TRAF3IP2: variants seen among roughly 807,000 people sequenced by gnomAD.
TRAF3IP2 encodes the protein TRAF3 interacting protein 2, also known as E3 ubiquitin ligase TRAF3IP2.
Under a neutral mutation model 57.9 loss-of-function variants are expected in TRAF3IP2, and 35 were observed. The observed-to-expected ratio is 0.60, with a 90% CI of 0.46 to 0.80. The LOEUF is 0.80. TRAF3IP2 is among the 30% of genes least tolerant of loss of function. The probability of loss-of-function intolerance (pLI) is 0.00; values close to 1 mark genes in which losing one functional copy is unlikely to be tolerated. For missense variants in TRAF3IP2, 556 were observed against 706.4 expected (o/e 0.79, Z 2.41); for synonymous variants, 251 against 268.9 (o/e 0.93, Z 0.65).
rs112036127 is a variant in TRAF3IP2 at position 111,580,238 on chromosome 6, G to C, written c.981C>G (p.Pro327=). The C allele has an allele frequency of 1.2e-6, 2 of 1,613,822 alleles. No individual in the cohort carries two copies. Among genetic ancestry groups the C allele is most frequent in the South Asian group, 2.2e-5 (2 of 91,076 alleles). Residue 327 remains proline (P), a synonymous_variant, in exon 3 of 9, where the codon CCC becomes CCG. Coordinates refer to ENST00000368761, the MANE Select transcript of TRAF3IP2 (RefSeq NM_147686.4). ...YPSPWDHEER[P]AQRDCSFPGL... ...CCGGAAAGGAGCAGTCTCTCTGTGC[G>C]GGCCTCTCTTCGTGGTCCCAGGGGC...
At position 111,565,596 on chromosome 6, in the gene TRAF3IP2, G is replaced by A. The variant is rs138732912; in HGVS notation, c.1476+848C>T. ...GCCTGAAAGTCACAAGTGTAGCACC[G>A]CCTCCTAGTCAAGCAGAAACTGTCT... On this transcript the variant is annotated intron_variant, in intron 7 of 8. Transcript: ENST00000368761. 2.2e-3 allele frequency among the ~76,000 whole-genome samples: 338 copies of A among 152,128 alleles called. 2 individuals are homozygous for A. The highest frequency in any genetic ancestry group is 7.8e-3 in the African/African-American group (323 of 41,506).
At chr6:111,596,196 A>G (rs1223526858) in intron 1 of TRAF3IP2, among the ~76,000 whole-genome samples, 1 of 152,150 alleles carries the variant, frequency 6.6e-6, no homozygotes, top group Middle Eastern at 3.2e-3. Context: ...TATATTACCC[A>G]AATGTATATG....
chr6:111,582,560 C>T (rs1044767577), intron 2 of TRAF3IP2, among the ~76,000 whole-genome samples: 3 of 152,086 alleles, frequency 2.0e-5, no homozygotes, highest in African/African-American at 4.8e-5. Context: ...CAGGGCAGGG[C>T]GGATATATTC....
At chr6:111,595,700 C>T (rs1234663390) in intron 1 of TRAF3IP2, among the ~76,000 whole-genome samples, 2 of 152,000 alleles carry the variant, frequency 1.3e-5, no homozygotes, top group South Asian at 2.1e-4. Context: ...TGATGGCAGG[C>T]ACCTGTAATC....
At chr6:111,586,235 C>T (rs1185025665) in intron 2 of TRAF3IP2, among the ~76,000 whole-genome samples, 2 of 145,282 alleles carry the variant, frequency 1.4e-5, no homozygotes, top group South Asian at 2.2e-4. Flanking sequence ...AATCCCTCCC[C>T]TTTTTTTTTT....
intron 4 of TRAF3IP2, chr6:111,574,112 C>T (rs576521096): frequency 6.6e-6 from 1 of 152,168 alleles, no homozygotes; most frequent in Non-Finnish European, 1.5e-5. Flanking sequence ...TGTGGGGCAG[C>T]ATCTGTTCTC....
intron 8 of TRAF3IP2, among the ~76,000 whole-genome samples, chr6:111,559,816 C>T (rs1452145028): frequency 2.0e-5 from 3 of 152,216 alleles, no homozygotes; most frequent in East Asian, 3.8e-4. Context: ...CTTTGCATTT[C>T]AACTTGCTTT....
intron 7 of TRAF3IP2, among the ~76,000 whole-genome samples, chr6:111,564,187 C>A (rs1218395679): frequency 1.3e-5 from 2 of 152,134 alleles, no homozygotes; most frequent in African/African-American, 4.8e-5. Flanking sequence ...CACACGATCA[C>A]ACAACACACA....
At chr6:111,592,505 A>T (rs1016510723) in intron 1 of TRAF3IP2, among the ~76,000 whole-genome samples, 1 of 152,142 alleles carries the variant, frequency 6.6e-6, no homozygotes, top group African/African-American at 2.4e-5. Context: ...AGTTTTTTTT[A>T]AAAGCCAGGC....
intron 7 of TRAF3IP2, among the ~76,000 whole-genome samples, chr6:111,564,161 T>A (rs73767608): frequency 0.031 from 4,559 of 149,312 alleles, 185 homozygotes; most frequent in African/African-American, 0.094. Flanking sequence ...CATAGTTGCA[T>A]ACGCACACAC....
At chr6:111,596,476 C>T (rs1279764845) in intron 1 of TRAF3IP2, among the ~76,000 whole-genome samples, 10 of 152,098 alleles carry the variant, frequency 6.6e-5, no homozygotes, top group Non-Finnish European at 1.5e-4. Context: ...TTTTCTGAGA[C>T]GGAGTCTTGC....
At chr6:111,577,983 G>T (rs1189619674) in intron 3 of TRAF3IP2, among the ~76,000 whole-genome samples, 1 of 152,168 alleles carries the variant, frequency 6.6e-6, no homozygotes, top group Non-Finnish European at 1.5e-5. Context: ...AAAGTGCTGG[G>T]ATTACAGGTG....
At position 111,591,426 on chromosome 6, in the gene TRAF3IP2, C is replaced by T. The variant is rs145697646; in HGVS notation, c.661G>A (p.Val221Met). The T allele has an allele frequency of 2.9e-5, 46 of 1,571,274 alleles. No individual in the cohort carries two copies. The South Asian group carries it at 3.3e-4, about 11-fold the overall frequency. ...CTGGGGAGGTCCTGGGGGTAACACA[C>T]GGAGGTGAGGGGCAGGGGCCTTTCC... The part of the protein sequence containing the change: ...QLERPLPLTS[V>M]CYPQDLPRPL... The change falls in exon 2 of 9, where the codon GTG becomes ATG. Residue 221 changes from valine (V) to methionine (M), a missense_variant. By Grantham distance (21) the Val-to-Met change is conservative (BLOSUM62 1). Coordinates refer to ENST00000368761, the MANE Select transcript of TRAF3IP2 (RefSeq NM_147686.4). The surrounding 1 kb of genome is among the most constrained non-coding windows in gnomAD (Gnocchi z 4.9).
chr6:111,575,434 A>G (rs1795949617), intron 4 of TRAF3IP2, among the ~76,000 whole-genome samples: 1 of 149,508 alleles, frequency 6.7e-6, no homozygotes, highest in African/African-American at 2.5e-5. Context: ...TAAAAATACA[A>G]AAAATTAGCT....
At position 111,588,811 on chromosome 6, in the gene TRAF3IP2, T is replaced by G. The variant is rs553221557; in HGVS notation, c.829+2447A>C. 2.6e-5 allele frequency among the ~76,000 whole-genome samples: 4 copies of G among 152,328 alleles called. No individual in the cohort carries two copies. The South Asian group carries it at 8.3e-4, about 32-fold the overall frequency. On this transcript the variant is annotated intron_variant, in intron 2 of 8. Coordinates refer to ENST00000368761, the MANE Select transcript of TRAF3IP2 (RefSeq NM_147686.4). The stretch of plus-strand genomic sequence containing the variant: ...AATAAAGAATAGGTTCATAACAATT[T>G]GGTAGATGCGTCTGATGAAATACAA...
At chr6:111,601,458 C>T in intron 1 of TRAF3IP2, 1 of 402,274 alleles carries the variant, frequency 2.5e-6, no homozygotes, top group South Asian at 5.1e-5. Flanking sequence ...GAGCTATCTT[C>T]CAGGGGACAA....
intron 2 of TRAF3IP2, among the ~76,000 whole-genome samples, chr6:111,587,679 A>G (rs9481167): frequency 0.24 from 36,217 of 151,992 alleles, 5,347 homozygotes; most frequent in African/African-American, 0.42. Context: ...CTTAATATGT[A>G]TATATAAACC....
chr6:111,591,971 A>T lies in TRAF3IP2; in HGVS notation c.116T>A (p.Ile39Lys). 6.2e-7 allele frequency: 1 copy of T among 1,614,182 alleles called. No homozygotes were observed. Among genetic ancestry groups the T allele is most frequent in the Non-Finnish European group, 8.5e-7 (1 of 1,180,030 alleles). ...EEESEPPAPN[I>K]RNMAPNSLSA... is the part of the protein sequence containing the mutation. ...CAAGCTGTTGGGTGCCATGTTCCTTATATTTGGAGCAGGTGGTTCTGATTC... is the reference window on the plus strand; with the variant it reads ...CAAGCTGTTGGGTGCCATGTTCCTTTTATTTGGAGCAGGTGGTTCTGATTC... Residue 39 changes from isoleucine to lysine, a missense_variant, in exon 2 of 9, where the codon ATA becomes AAA. This residue lies in a region of TRAF3IP2 where 428 missense variants were observed against 498.7 expected (regional missense o/e 0.86). Transcript: ENST00000368761. The surrounding 1 kb of genome is among the most constrained non-coding windows in gnomAD (Gnocchi z 4.9).
chr6:111,566,669 A>G, intron 6 of TRAF3IP2, 109 bp from the exon 7 acceptor site: 1 of 954,836 alleles, frequency 1.0e-6, no homozygotes, highest in East Asian at 2.4e-5. Context: ...TAGAAAGAGA[A>G]GCACTGGCCC....
Sources: allele counts gnomAD v4.1 joint callset (sites outside exome capture counted in the v4.1 genomes callset), GRCh38; gene constraint gnomAD v4.1.1; regional missense constraint gnomAD v4.1.1; non-coding constraint Gnocchi (gnomAD v3.1); transcripts MANE v1.5; gene names NCBI Gene and HGNC (gene_info 2026-07-23, HGNC 2026-07-21).